Variants in KCTD1 observed in about 807,000 individuals in gnomAD.
KCTD1 encodes BTB/POZ domain-containing protein KCTD1.
A neutral mutation model predicts 66.0 loss-of-function variants in KCTD1; 24 were observed. That is an observed-to-expected ratio of 0.36 (90% CI 0.26 to 0.51). KCTD1 has a LOEUF of 0.51. Ranked by LOEUF, KCTD1 falls within the 20% of genes least tolerant of loss-of-function variation. The pLI, the probability that KCTD1 is intolerant of heterozygous loss-of-function variation, is 0.95. For missense variants in KCTD1, 943 were observed against 1,205.2 expected, an observed-to-expected ratio of 0.78 and a Z score of 3.22; for synonymous variants, 511 against 517.2, an observed-to-expected ratio of 0.99 and a Z score of 0.16.
intron 1 of KCTD1, among the ~76,000 whole-genome samples, chr18:26,647,519 C>CAAAA (rs57856118): frequency 3.1e-4 from 18 of 57,316 alleles, no homozygotes; most frequent in African/African-American, 6.3e-4. Flanking sequence ...GACTCCATCT[C>CAAAA]AAAAAAAAAA....
At chr18:26,627,265 TGTGTG>T (rs1159843847) in intron 1 of KCTD1, among the ~76,000 whole-genome samples, 2 of 3,588 alleles carry the variant, frequency 5.6e-4, no homozygotes, top group Admixed American at 5.1e-3. Context: ...CTGGGTTTTG[TGTGTG>T]TGTGTGTGTG....
At chr18:26,457,718 C>T (rs1374660270) in intron 4 of KCTD1, 2 of 152,222 alleles carry the variant, frequency 1.3e-5, no homozygotes, top group Non-Finnish European at 1.5e-5. Context: ...GTTCCTTAAA[C>T]AGTGATCACA....
intron 3 of KCTD1, among the ~76,000 whole-genome samples, chr18:26,473,689 C>T (rs1981192742): frequency 6.6e-6 from 1 of 152,106 alleles, no homozygotes; most frequent in African/African-American, 2.4e-5. Context: ...CCATGTTGCA[C>T]AAACCAAACC....
Position 26,589,164 on chromosome 18 carries a change from G to C in KCTD1, c.-16+39983C>G, listed in dbSNP as rs917010314. Among the ~76,000 whole-genome samples the C allele has an allele frequency of 4.6e-5, 7 of 152,300 alleles. No individual in the cohort carries two copies. The South Asian group carries it at 1.5e-3, about 32-fold the overall frequency. On this transcript the variant is annotated intron_variant, in intron 1 of 4. Coordinates refer to the KCTD1 transcript ENST00000317932. Reference sequence around the variant, plus strand: ...CCTGTGGCTGTGGGATAAGACCTGGGGGAGGACAGGATGGTAACGTGAATG... The same window carrying C: ...CCTGTGGCTGTGGGATAAGACCTGGCGGAGGACAGGATGGTAACGTGAATG...
intron 1 of KCTD1, among the ~76,000 whole-genome samples, chr18:26,603,177 C>A (rs1462570528): frequency 2.0e-5 from 3 of 152,090 alleles, no homozygotes; most frequent in Admixed American, 6.5e-5. Flanking sequence ...CACCTGTAAT[C>A]CCAGCATTTT....
intron 1 of KCTD1, chr18:26,543,147 AC>A (rs1365002409): frequency 1.3e-5 from 2 of 152,230 alleles, no homozygotes; most frequent in Non-Finnish European, 2.9e-5. Context: ...ATACTTATGT[AC>A]AAAACATTTA....
At chr18:26,591,225 A>C (rs1986594958) in intron 1 of KCTD1, among the ~76,000 whole-genome samples, 1 of 152,106 alleles carries the variant, frequency 6.6e-6, no homozygotes. Context: ...ACAGGGTCTC[A>C]CCTTGTTGTC....
intron 1 of KCTD1, among the ~76,000 whole-genome samples, chr18:26,606,797 G>A (rs1251783034): frequency 1.3e-5 from 2 of 152,224 alleles, no homozygotes; most frequent in Non-Finnish European, 2.9e-5. Context: ...ATAGACTCGT[G>A]TAACATAAAG....
In KCTD1 at chr18:26,608,643, T is replaced by G. The variant is rs1391952490; in HGVS notation, c.-16+20504A>C. ...CCGCTGCCCCCTCATTATTCTTTGTTGTATTTTATGTGTCAGTCCCCAAAT... is the reference window on the plus strand; with the variant it reads ...CCGCTGCCCCCTCATTATTCTTTGTGGTATTTTATGTGTCAGTCCCCAAAT... On this transcript the variant is annotated intron_variant, in intron 1 of 4. Transcript: ENST00000317932. Among the ~76,000 whole-genome samples the G allele has an allele frequency of 2.6e-5, 4 of 152,216 alleles. No homozygotes were observed. The East Asian group carries it at 7.7e-4, about 29-fold the overall frequency.
At chr18:26,624,372 GA>G (rs1268365359) in intron 1 of KCTD1, among the ~76,000 whole-genome samples, 1 of 152,206 alleles carries the variant, frequency 6.6e-6, no homozygotes. Context: ...GCCTAAGAGG[GA>G]AAAATGGTTT....
intron 1 of KCTD1, among the ~76,000 whole-genome samples, chr18:26,534,973 T>C (rs578232324): frequency 9.2e-5 from 14 of 152,198 alleles, no homozygotes; most frequent in Non-Finnish European, 1.8e-4. Context: ...TACATGTCTG[T>C]GATTTTCACT....
intron 2 of KCTD1, among the ~76,000 whole-genome samples, chr18:26,482,831 C>T (rs940060008): frequency 6.6e-6 from 1 of 152,180 alleles, no homozygotes; most frequent in Non-Finnish European, 1.5e-5. Flanking sequence ...AGGGTGGAGA[C>T]ATCCTGCTCA....
At chr18:26,620,246 A>C (rs746933753) in intron 1 of KCTD1, among the ~76,000 whole-genome samples, 2 of 151,404 alleles carry the variant, frequency 1.3e-5, no homozygotes, top group Non-Finnish European at 2.9e-5. Context: ...GAAGGTGACA[A>C]GTATTTATTG....
At chr18:26,641,387 C>T (rs1987831818), upstream of KCTD1, among the ~76,000 whole-genome samples, 1 of 152,212 alleles carries the variant, frequency 6.6e-6, no homozygotes, top group Non-Finnish European at 1.5e-5. Context: ...AGTATTCTTT[C>T]TCTAGACACC....
chr18:26,585,202 G>A (rs909802955), intron 1 of KCTD1, among the ~76,000 whole-genome samples: 6 of 152,124 alleles, frequency 3.9e-5, no homozygotes, highest in Admixed American at 6.6e-5. Flanking sequence ...TGTTGGGAAG[G>A]TACATTCCTT....
chr18:26,537,163 A>G (rs1175502861), intron 1 of KCTD1, among the ~76,000 whole-genome samples: 7 of 152,194 alleles, frequency 4.6e-5, no homozygotes, highest in Non-Finnish European at 1.5e-5. Context: ...ATGTTTCTAA[A>G]TTGCTACCTC....
chr18:26,572,113 G>T (rs545009516), intron 1 of KCTD1, among the ~76,000 whole-genome samples: 8 of 150,832 alleles, frequency 5.3e-5, no homozygotes, highest in African/African-American at 1.7e-4. Context: ...AGGCTGGAGT[G>T]CAGTGGCTCA....
upstream of KCTD1, among the ~76,000 whole-genome samples, chr18:26,643,879 G>A (rs1453478174): frequency 1.3e-5 from 2 of 152,054 alleles, no homozygotes; most frequent in Non-Finnish European, 1.5e-5. Context: ...GGAGAATGGT[G>A]TGAACTCAGG....
intron 1 of KCTD1, among the ~76,000 whole-genome samples, chr18:26,608,783 G>C (rs1987072885): frequency 6.6e-6 from 1 of 152,240 alleles, no homozygotes; most frequent in Non-Finnish European, 1.5e-5. Flanking sequence ...CCATCGGCAA[G>C]AAGTGAGCTG....
Sources: allele counts gnomAD v4.1 joint callset (sites outside exome capture counted in the v4.1 genomes callset), GRCh38; gene constraint gnomAD v4.1.1; transcripts MANE v1.5; gene names NCBI Gene and HGNC (gene_info 2026-07-23, HGNC 2026-07-21).